The following ATP8A2 variants were observed in gnomAD, a reference collection of about 807,000 sequenced individuals.
The protein encoded by ATP8A2 is ATPase phospholipid transporting 8A2.
ATP8A2 carries 100 observed loss-of-function variants against 165.6 expected under a neutral mutation model. That is an observed-to-expected ratio of 0.60 (90% CI 0.51 to 0.71). The LOEUF is 0.71. ATP8A2 is among the 30% of genes least tolerant of loss of function. The pLI is 0.00. For synonymous variants in ATP8A2, 543 were observed against 548.8 expected (o/e 0.99, Z 0.15); for missense variants, 1,227 against 1,479.5 (o/e 0.83, Z 2.80).
Position 25,551,450 on chromosome 13 carries a change from C to T in ATP8A2, c.1004C>T (p.Ala335Val). 1 of 1,613,910 alleles carries T rather than the reference C, an allele frequency of 6.2e-7. No individual in the cohort carries two copies. Among genetic ancestry groups the T allele is most frequent in the Non-Finnish European group, 8.5e-7 (1 of 1,179,936 alleles). ...ATGGCCTTGGTGAGCTCGGCGGGGG[C>T]CCTGTACTGGAACAGGTCTCATGGT... is the stretch of plus-strand genomic sequence containing the variant. ...LVMALVSSAG[A>V]LYWNRSHGEK... is the part of the protein sequence containing the mutation. The change falls in exon 11 of 37, where the codon GCC becomes GTC. Residue 335 changes from alanine (A) to valine (V), a missense_variant. This residue lies in a region of ATP8A2 where 592 missense variants were observed against 785.6 expected (regional missense o/e 0.75). Coordinates refer to ENST00000381655, the MANE Select transcript of ATP8A2 (RefSeq NM_016529.6).
intron 1 of ATP8A2, among the ~76,000 whole-genome samples, chr13:25,387,787 G>C (rs1016956019): frequency 5.3e-5 from 8 of 152,142 alleles, no homozygotes. Context: ...TACTAGGCCT[G>C]GCGTGGTGGC....
At chr13:25,699,562 G>A (rs1456043026) in intron 25 of ATP8A2, among the ~76,000 whole-genome samples, 3 of 152,184 alleles carry the variant, frequency 2.0e-5, no homozygotes, top group Non-Finnish European at 2.9e-5. Flanking sequence ...CTTCTGAGAA[G>A]ATAAAAAGAG....
chr13:25,472,608 A>C (rs2035878413), intron 2 of ATP8A2, among the ~76,000 whole-genome samples: 2 of 152,196 alleles, frequency 1.3e-5, no homozygotes, highest in African/African-American at 4.8e-5. Flanking sequence ...TAAAAGGATA[A>C]ATAATTTGTT....
chr13:25,829,668 G>GTATGTATGTGTATATA (rs1951406164), intron 28 of ATP8A2, among the ~76,000 whole-genome samples: 1 of 63,394 alleles, frequency 1.6e-5, no homozygotes, highest in African/African-American at 6.2e-5. Flanking sequence ...GACAGGTGTG[G>GTATGTATGTGTATATA]TATATATATA....
chr13:25,506,264 G>T (rs1308488238), intron 2 of ATP8A2, among the ~76,000 whole-genome samples: 9 of 152,142 alleles, frequency 5.9e-5, no homozygotes, highest in Non-Finnish European at 8.8e-5. Context: ...CTGATTCTAG[G>T]TCATTTCTAT....
chr13:25,836,512 CCTT>C (rs1037338919), intron 28 of ATP8A2, among the ~76,000 whole-genome samples: 4 of 152,184 alleles, frequency 2.6e-5, no homozygotes, highest in Admixed American at 2.6e-4. Flanking sequence ...TCTCCCTTCT[CCTT>C]CTGCGTCCTC....
chr13:25,512,904 C>G (rs1384007202), intron 2 of ATP8A2, among the ~76,000 whole-genome samples: 2 of 132,824 alleles, frequency 1.5e-5, no homozygotes, highest in Non-Finnish European at 3.3e-5. Context: ...GCTGGCCAGG[C>G]GGGGGGCTGA....
At position 25,718,148 on chromosome 13, in the gene ATP8A2, G is replaced by A. The variant is rs547002560; in HGVS notation, c.2384+18803G>A. The stretch of plus-strand genomic sequence containing the variant: ...GTGATCAGATTTTAATTTGTGTGGC[G>A]TGGTGGCCTTTTAGAGTAGGATAAT... On this transcript the variant is annotated intron_variant, in intron 25 of 36. Transcript: ENST00000381655. Among the ~76,000 whole-genome samples the A allele has an allele frequency of 7.9e-5, 12 of 152,262 alleles. No individual in the cohort carries two copies. The South Asian group carries it at 1.9e-3, about 24-fold the overall frequency.
chr13:25,535,939 A>G (rs924382498), intron 6 of ATP8A2, among the ~76,000 whole-genome samples: 1 of 152,170 alleles, frequency 6.6e-6, no homozygotes, highest in Non-Finnish European at 1.5e-5. Flanking sequence ...TTTAGAGAGT[A>G]AAGATGAGAG....
chr13:25,516,620 A>G (rs2037480062), intron 2 of ATP8A2, among the ~76,000 whole-genome samples: 1 of 152,176 alleles, frequency 6.6e-6, no homozygotes, highest in African/African-American at 2.4e-5. Flanking sequence ...AGATATTTTT[A>G]TAACAAATAA....
chr13:25,578,420 C>T (rs1443881619), intron 20 of ATP8A2, among the ~76,000 whole-genome samples: 4 of 152,088 alleles, frequency 2.6e-5, no homozygotes, highest in Non-Finnish European at 4.4e-5. Flanking sequence ...GAGCTCCTCC[C>T]GTATTGGGAG....
intron 27 of ATP8A2, among the ~76,000 whole-genome samples, chr13:25,809,787 T>A (rs1215031766): frequency 1.3e-5 from 2 of 152,024 alleles, no homozygotes; most frequent in African/African-American, 2.4e-5. Flanking sequence ...TATCTGTCTT[T>A]CCCCCTCAAT....
At chr13:25,382,788 C>T (rs1266656635) in intron 1 of ATP8A2, among the ~76,000 whole-genome samples, 1 of 150,946 alleles carries the variant, frequency 6.6e-6, no homozygotes, top group Non-Finnish European at 1.5e-5. Flanking sequence ...CAGAGTCTCG[C>T]TGTGTCGCCC....
At chr13:25,568,488 A>G (rs1357178762) in intron 16 of ATP8A2, among the ~76,000 whole-genome samples, 3 of 152,220 alleles carry the variant, frequency 2.0e-5, no homozygotes, top group Admixed American at 1.3e-4. Flanking sequence ...GGCATTTTGT[A>G]CATATTATAA....
intron 33 of ATP8A2, among the ~76,000 whole-genome samples, chr13:25,932,365 G>T (rs763711065): frequency 6.6e-6 from 1 of 152,144 alleles, no homozygotes; most frequent in Admixed American, 6.5e-5. Context: ...GCAGCTTCCC[G>T]CAAGAAAGAA....
At chr13:25,831,723 A>T (rs957380946) in intron 28 of ATP8A2, among the ~76,000 whole-genome samples, 7 of 151,328 alleles carry the variant, frequency 4.6e-5, no homozygotes, top group African/African-American at 1.7e-4. Context: ...TGCACCTGTA[A>T]TCCCAGCTAC....
chr13:25,519,672 T>A (rs916607923), intron 2 of ATP8A2, among the ~76,000 whole-genome samples: 17 of 152,170 alleles, frequency 1.1e-4, no homozygotes, highest in African/African-American at 4.1e-4. Context: ...CCCCAAGCTC[T>A]AAGGTCTTGG....
rs73479696 is a variant in ATP8A2, at chr13:25,553,157, C to G, written c.1058-636C>G. On this transcript the variant is annotated intron_variant, in intron 11 of 36. Transcript: ENST00000381655. ...AAGATCATGGCTGTCAAGGAAAGAA[C>G]TTTCCCTTTGATACCCCCAGACCTT... is the stretch of plus-strand genomic sequence containing the variant. Among the ~76,000 whole-genome samples, 527 of 151,838 alleles carry G rather than the reference C, an allele frequency of 3.5e-3. 2 individuals are homozygous for G. The highest frequency in any genetic ancestry group is 0.012 in the African/African-American group (501 of 41,426).
Position 25,372,247 on chromosome 13 carries a change from A to C in ATP8A2, c.35A>C (p.Lys12Thr), listed in dbSNP as rs2032428000. 1.4e-6 allele frequency: 2 copies of C among 1,474,414 alleles called. No individual in the cohort carries two copies. The highest frequency in any genetic ancestry group is 1.8e-6 in the Non-Finnish European group (2 of 1,108,880). The allele number at this position is 1,474,414 out of a possible 1,614,324, so 91.3% of individuals were successfully genotyped here. ...GGCGCAGGCCTGGACAAAGCTCTTA[A>C]GATGTCCCTGCCGCGGAGGTCGAGG... is the stretch of plus-strand genomic sequence containing the variant. Reference protein sequence around the residue: ...LNGAGLDKALKMSLPRRSRIR... With the variant: ...LNGAGLDKALTMSLPRRSRIR... The change falls in exon 1 of 37, where the codon AAG becomes ACG. Residue 12 changes from lysine to threonine, a missense_variant. By Grantham distance (78) the Lys-to-Thr change is moderately conservative. Coordinates refer to ENST00000381655, the MANE Select transcript of ATP8A2 (RefSeq NM_016529.6). The surrounding 1 kb of genome is among the most constrained non-coding windows in gnomAD (Gnocchi z 4.8).
Sources: gnomAD v4.1 joint callset for allele counts (sites outside exome capture counted in the v4.1 genomes callset) on GRCh38, gnomAD v4.1.1 for gene constraint, gnomAD v4.1.1 regional missense constraint, Gnocchi (gnomAD v3.1) non-coding constraint, MANE v1.5 for transcripts, NCBI Gene and HGNC (gene_info 2026-07-23, HGNC 2026-07-21) for gene names.